CCSER1: variants seen among roughly 807,000 people sequenced by gnomAD.
CCSER1 encodes serine-rich coiled-coil domain-containing protein 1.
Under a neutral mutation model 82.0 loss-of-function variants are expected in CCSER1, and 41 were observed. The ratio of observed to expected loss-of-function variants is 0.50; its 90% CI spans 0.39 to 0.65. The LOEUF (loss-of-function observed/expected upper bound fraction) is 0.65, where lower values mean the gene tolerates loss of function less well. Ranked by LOEUF, CCSER1 falls within the 30% of genes least tolerant of loss-of-function variation. The pLI is 0.00. For missense variants in CCSER1, 1,119 were observed against 1,064.2 expected, an observed-to-expected ratio of 1.05 and a Z score of -0.72; for synonymous variants, 414 against 383.9, an observed-to-expected ratio of 1.08 and a Z score of -0.92.
chr4:90,458,259 G>A (rs10001531), intron 4 of CCSER1, among the ~76,000 whole-genome samples: 31 of 152,046 alleles, frequency 2.0e-4, no homozygotes, highest in South Asian at 4.2e-4. Flanking sequence ...GGAGTGCACC[G>A]CCCCAGCTAC....
intron 10 of CCSER1, among the ~76,000 whole-genome samples, chr4:91,307,432 T>A (rs1379849203): frequency 6.6e-6 from 1 of 152,110 alleles, no homozygotes; most frequent in South Asian, 2.1e-4. Context: ...AATATCATTA[T>A]ACTATTAAAT....
chr4:90,449,126 C>T (rs1761096446), intron 4 of CCSER1, among the ~76,000 whole-genome samples: 1 of 152,202 alleles, frequency 6.6e-6, no homozygotes, highest in Non-Finnish European at 1.5e-5. Context: ...CTGCTCAGCT[C>T]TCAGCTGGAA....
intron 3 of CCSER1, among the ~76,000 whole-genome samples, chr4:90,338,375 A>G (rs1464493562): frequency 6.6e-6 from 1 of 152,050 alleles, no homozygotes; most frequent in African/African-American, 2.4e-5. Flanking sequence ...GCTTTTTATC[A>G]TCTGCAGTTG....
At chr4:90,466,185 A>T (rs2153586811) in intron 4 of CCSER1, among the ~76,000 whole-genome samples, 1 of 152,366 alleles carries the variant, frequency 6.6e-6, no homozygotes, top group African/African-American at 2.4e-5. Flanking sequence ...TCAGTTAATC[A>T]AAAAGGAAAT....
chr4:90,131,624 T>C (rs1318208171), intron 1 of CCSER1, among the ~76,000 whole-genome samples: 2 of 152,198 alleles, frequency 1.3e-5, no homozygotes, highest in African/African-American at 4.8e-5. Flanking sequence ...TTAAACTTCT[T>C]AGATTTATTG....
chr4:91,446,904 G>T (rs1484053720), intron 10 of CCSER1, among the ~76,000 whole-genome samples: 1 of 151,904 alleles, frequency 6.6e-6, no homozygotes, highest in African/African-American at 2.4e-5. Flanking sequence ...TGAATTCGGG[G>T]TACTTTTTTC....
chr4:91,321,253 T>C (rs1746174939), intron 10 of CCSER1, among the ~76,000 whole-genome samples: 1 of 152,124 alleles, frequency 6.6e-6, no homozygotes, highest in Admixed American at 6.6e-5. Flanking sequence ...AGTAATTTTA[T>C]TCTGATATCT....
chr4:90,986,116 A>T (rs1323311741), intron 9 of CCSER1, among the ~76,000 whole-genome samples: 1 of 151,738 alleles, frequency 6.6e-6, no homozygotes. Flanking sequence ...AAACTTCATC[A>T]GTTTGATTTT....
chr4:91,205,320 C>T (rs111832786), intron 10 of CCSER1, among the ~76,000 whole-genome samples: 1 of 151,720 alleles, frequency 6.6e-6, no homozygotes, highest in Non-Finnish European at 1.5e-5. Context: ...GGACGAAATA[C>T]GTGACCTCAA....
chr4:90,286,426 T>G (rs1272515024), intron 1 of CCSER1, among the ~76,000 whole-genome samples: 1 of 150,168 alleles, frequency 6.7e-6, no homozygotes, highest in African/African-American at 2.5e-5. Context: ...GAAGAACAGT[T>G]TAGTTCATTA....
intron 4 of CCSER1, among the ~76,000 whole-genome samples, chr4:90,416,263 A>G (rs1191216164): frequency 1.3e-5 from 2 of 152,206 alleles, no homozygotes; most frequent in African/African-American, 4.8e-5. Context: ...GGAAAATTGA[A>G]TGCCTATAAT....
chr4:91,108,632 A>G (rs1314715485), intron 10 of CCSER1, among the ~76,000 whole-genome samples: 3 of 152,194 alleles, frequency 2.0e-5, no homozygotes, highest in Non-Finnish European at 4.4e-5. Flanking sequence ...ACAAGCAGTC[A>G]ATTTTAAGGT....
chr4:90,810,832 C>CTTTTTTTTT (rs375997127), intron 7 of CCSER1, among the ~76,000 whole-genome samples: 5 of 113,606 alleles, frequency 4.4e-5, no homozygotes, highest in African/African-American at 1.7e-4. Context: ...AAGAGTAATT[C>CTTTTTTTTT]TTTTTTTTTT....
chr4:90,768,222 A>G (rs1751540709), intron 7 of CCSER1, among the ~76,000 whole-genome samples: 1 of 152,202 alleles, frequency 6.6e-6, no homozygotes, highest in Non-Finnish European at 1.5e-5. Flanking sequence ...AGAGGTCCAA[A>G]TGACTACTTG....
At chr4:90,631,736 C>T (rs1032914631) in intron 6 of CCSER1, among the ~76,000 whole-genome samples, 1 of 152,080 alleles carries the variant, frequency 6.6e-6, no homozygotes, top group Non-Finnish European at 1.5e-5. Flanking sequence ...TCTGAAAATC[C>T]AAAATCCAAA....
intron 1 of CCSER1, among the ~76,000 whole-genome samples, chr4:90,200,966 A>C (rs1022735182): frequency 6.6e-6 from 1 of 152,132 alleles, no homozygotes; most frequent in African/African-American, 2.4e-5. Flanking sequence ...TTTAACATTT[A>C]TGGTATCATA....
At chr4:91,581,472 T>C (rs1763723531) in intron 10 of CCSER1, among the ~76,000 whole-genome samples, 1 of 151,570 alleles carries the variant, frequency 6.6e-6, no homozygotes, top group African/African-American at 2.4e-5. Flanking sequence ...CAGAGTGAAA[T>C]GAAGAACAAT....
chr4:90,913,329 C>T (rs1231017845), intron 8 of CCSER1, among the ~76,000 whole-genome samples: 2 of 152,130 alleles, frequency 1.3e-5, no homozygotes, highest in African/African-American at 2.4e-5. Flanking sequence ...AGAGAGGGGG[C>T]CAATATTCAA....
Position 90,797,235 on chromosome 4 carries a change from A to G in CCSER1, c.2011-18527A>G, listed in dbSNP as rs954117134. On this transcript the variant is annotated intron_variant, in intron 7 of 10. Transcript: ENST00000509176. Reference sequence around the variant, plus strand: ...TGTATTGAACCCTTTACCATTATGTATTGTCCTTGTCTTTTATTTTTATAT... The same window carrying G: ...TGTATTGAACCCTTTACCATTATGTGTTGTCCTTGTCTTTTATTTTTATAT... 5.3e-5 allele frequency among the ~76,000 whole-genome samples: 8 copies of G among 152,112 alleles called. No homozygotes were observed. In the South Asian group the frequency reaches 6.2e-4, roughly 12 times the overall value.
Sources: allele counts gnomAD v4.1 joint callset (sites outside exome capture counted in the v4.1 genomes callset), GRCh38; gene constraint gnomAD v4.1.1; transcripts MANE v1.5; gene names NCBI Gene and HGNC (gene_info 2026-07-23, HGNC 2026-07-21).